Variants in LRRTM4 observed in about 807,000 individuals in gnomAD.
LRRTM4 encodes the protein leucine-rich repeat transmembrane neuronal protein 4.
LRRTM4 carries 25 observed loss-of-function variants against 47.6 expected under a neutral mutation model. That is an observed-to-expected ratio of 0.53 (90% CI 0.38 to 0.73). The LOEUF (loss-of-function observed/expected upper bound fraction) is 0.73, where lower values mean the gene tolerates loss of function less well. Ranked by LOEUF, LRRTM4 falls within the 30% of genes least tolerant of loss-of-function variation. The pLI is 0.00. For missense variants in LRRTM4, 638 were observed against 713.4 expected (o/e 0.89, Z 1.20); for synonymous variants, 311 against 269.5 (o/e 1.15, Z -1.51).
chr2:77,073,187 T>C (rs540116923), intron 3 of LRRTM4, among the ~76,000 whole-genome samples: 8 of 152,140 alleles, frequency 5.3e-5, no homozygotes, highest in East Asian at 3.9e-4. Flanking sequence ...GTTTTTTTTT[T>C]CCCTAGTATG....
intron 3 of LRRTM4, among the ~76,000 whole-genome samples, chr2:77,066,535 C>T (rs191573156): frequency 1.8e-4 from 27 of 152,236 alleles, no homozygotes; most frequent in African/African-American, 5.5e-4. Context: ...ATGAGATTTG[C>T]GAAGCTTAAT....
intron 3 of LRRTM4, among the ~76,000 whole-genome samples, chr2:77,234,089 A>G (rs1240038097): frequency 6.6e-6 from 1 of 152,134 alleles, no homozygotes; most frequent in Non-Finnish European, 1.5e-5. Context: ...ACACTGACTT[A>G]TTTCTTAAAG....
chr2:77,076,486 T>C (rs1346415387), intron 3 of LRRTM4, among the ~76,000 whole-genome samples: 1 of 152,166 alleles, frequency 6.6e-6, no homozygotes, highest in African/African-American at 2.4e-5. Context: ...AAAAAACAGA[T>C]ATTACAGTAA....
At chr2:77,320,574 A>T (rs1312625192) in intron 3 of LRRTM4, among the ~76,000 whole-genome samples, 1 of 152,220 alleles carries the variant, frequency 6.6e-6, no homozygotes, top group Admixed American at 6.5e-5. Context: ...GAAGAACATC[A>T]TAAGGCAATT....
At chr2:76,918,202 T>C (rs1035114322) in intron 3 of LRRTM4, among the ~76,000 whole-genome samples, 3 of 152,224 alleles carry the variant, frequency 2.0e-5, no homozygotes, top group African/African-American at 4.8e-5. Context: ...ATGAAAAATG[T>C]CTGCTTTCTT....
chr2:77,443,899 T>C (rs1329549859), intron 3 of LRRTM4, among the ~76,000 whole-genome samples: 4 of 152,010 alleles, frequency 2.6e-5, no homozygotes, highest in African/African-American at 9.7e-5. Flanking sequence ...CTGACTCAGG[T>C]TGAATCTTAA....
chr2:76,975,685 T>C (rs975632270), intron 3 of LRRTM4, among the ~76,000 whole-genome samples: 1 of 151,616 alleles, frequency 6.6e-6, no homozygotes, highest in Non-Finnish European at 1.5e-5. Context: ...TAGAAAACAT[T>C]GAGGAGACAA....
chr2:77,259,602 T>G (rs141336874), intron 3 of LRRTM4, among the ~76,000 whole-genome samples: 1 of 152,074 alleles, frequency 6.6e-6, no homozygotes, highest in East Asian at 1.9e-4. Context: ...GGAAGTGTGG[T>G]GTTCAATAGG....
At chr2:77,390,611 A>T (rs892222031) in intron 3 of LRRTM4, among the ~76,000 whole-genome samples, 1 of 151,918 alleles carries the variant, frequency 6.6e-6, no homozygotes, top group African/African-American at 2.4e-5. Flanking sequence ...TAGAAAGGAC[A>T]AATTATAAAT....
intron 3 of LRRTM4, among the ~76,000 whole-genome samples, chr2:76,988,507 G>A (rs1032858152): frequency 6.6e-6 from 1 of 151,640 alleles, no homozygotes; most frequent in Admixed American, 6.6e-5. Context: ...CTTATGCTAT[G>A]GACATCAACT....
At chr2:76,816,817 G>C (rs1406333479) in intron 3 of LRRTM4, among the ~76,000 whole-genome samples, 1 of 73,712 alleles carries the variant, frequency 1.4e-5, no homozygotes, top group East Asian at 3.3e-4. Context: ...TAGAGGTAAA[G>C]AGTTTTTTTT....
At chr2:77,494,995 C>T (rs1678306989) in intron 3 of LRRTM4, among the ~76,000 whole-genome samples, 1 of 152,140 alleles carries the variant, frequency 6.6e-6, no homozygotes, top group African/African-American at 2.4e-5. Flanking sequence ...CTTTTTATTG[C>T]TGAATAGTAT....
chr2:77,387,995 C>A (rs73941249), intron 3 of LRRTM4, among the ~76,000 whole-genome samples: 1 of 151,814 alleles, frequency 6.6e-6, no homozygotes, highest in South Asian at 2.1e-4. Context: ...GGCTCTTGTT[C>A]TTTTTCTGCT....
chr2:77,504,918 T>C (rs892849031), intron 3 of LRRTM4, among the ~76,000 whole-genome samples: 1 of 151,486 alleles, frequency 6.6e-6, no homozygotes, highest in Non-Finnish European at 1.5e-5. Context: ...TATAATTTTT[T>C]CTCAGCATTG....
intron 3 of LRRTM4, among the ~76,000 whole-genome samples, chr2:76,835,209 G>T (rs1030099628): frequency 6.6e-6 from 1 of 151,930 alleles, no homozygotes; most frequent in Non-Finnish European, 1.5e-5. Flanking sequence ...TTATTAAATT[G>T]TACAGGTTAA....
intron 3 of LRRTM4, among the ~76,000 whole-genome samples, chr2:77,229,412 GAT>G (rs1674903530): frequency 6.6e-6 from 1 of 151,918 alleles, no homozygotes; most frequent in Admixed American, 6.6e-5. Context: ...AACCTTCTTT[GAT>G]ATATGAGAAA....
chr2:77,193,559 C>T (rs1673732017), intron 3 of LRRTM4, among the ~76,000 whole-genome samples: 1 of 151,608 alleles, frequency 6.6e-6, no homozygotes, highest in Non-Finnish European at 1.5e-5. Flanking sequence ...CCTGTAATCC[C>T]AGCACTTTGG....
At chr2:76,909,479 A>C (rs201039606) in intron 3 of LRRTM4, among the ~76,000 whole-genome samples, 18,236 of 151,086 alleles carry the variant, frequency 0.12, 1,451 homozygotes, top group East Asian at 0.45. Context: ...GCAACAAAAG[A>C]CAAAATTGAC....
rs575598354 is a variant in LRRTM4 at position 77,440,947 on chromosome 2, ATGT to A, written c.1551+77368_1551+77370del. Among the ~76,000 whole-genome samples, 320 of 152,356 alleles carry A rather than the reference ATGT, an allele frequency of 2.1e-3. 5 individuals carry two copies. The highest frequency in any genetic ancestry group is 7.1e-3 in the African/African-American group (295 of 41,598). ...GTACTCTCCAAAATCCAATGAAGAA[ATGT>A]TGTCACTGTGCAATTGCACATGTTG... On this transcript the variant is annotated intron_variant, in intron 3 of 3. Coordinates refer to ENST00000409884, the MANE Select transcript of LRRTM4 (RefSeq NM_001134745.3).
Sources: gnomAD v4.1 joint callset for allele counts (sites outside exome capture counted in the v4.1 genomes callset) on GRCh38, gnomAD v4.1.1 for gene constraint, MANE v1.5 for transcripts, NCBI Gene and HGNC (gene_info 2026-07-23, HGNC 2026-07-21) for gene names.